Variants in SAMD10 observed in about 807,000 individuals in gnomAD.
SAMD10 encodes the protein sterile alpha motif domain containing 10.
Under a neutral mutation model 22.5 loss-of-function variants are expected in SAMD10, and 16 were observed. That is an observed-to-expected ratio of 0.71 (90% CI 0.48 to 1.08). The LOEUF (loss-of-function observed/expected upper bound fraction) is 1.08. Among genes scored for constraint, SAMD10 ranks in the 50% least tolerant of loss-of-function variants. SAMD10 has a pLI of 0.00. For missense variants in SAMD10, 227 were observed against 281.3 expected (o/e 0.81, Z 1.38); for synonymous variants, 118 against 122.2 (o/e 0.97, Z 0.23).
chr20:63,977,369 C>T lies in SAMD10; in HGVS notation c.129G>A (p.Glu43=), dbSNP rs765320150. ...GGATGCTCTCAGCTGACACCGTGTG[C>T]TCCAGGAGGGTCCGGCAGAAGCTGA... ...AHFSFCRTLL[E]HTVSAESIPC... Residue 43 remains glutamate (E), a synonymous_variant, in exon 2 of 5, where the codon GAG becomes GAA. Coordinates refer to ENST00000369886, the MANE Select transcript of SAMD10 (RefSeq NM_080621.5). This position sits in a 1 kb window ranked among gnomAD's most constrained non-coding sequence, Gnocchi z 5.4. 4.3e-6 allele frequency: 7 copies of T among 1,613,322 alleles called. No homozygotes were observed. Among genetic ancestry groups the T allele is most frequent in the Non-Finnish European group, 5.1e-6 (6 of 1,180,002 alleles).
At chr20:63,976,817 G>C (rs1012614438) in intron 3 of SAMD10, among the ~76,000 whole-genome samples, 154 bp downstream of exon 3, 1 of 139,256 alleles carries the variant, frequency 7.2e-6, no homozygotes, top group Non-Finnish European at 1.5e-5. Context: ...AGAAAAGACA[G>C]ATTCTGCGGA....
chr20:63,975,572 G>C (rs2059016298), intron 4 of SAMD10, 40 bp from the exon 5 acceptor site: 1 of 1,599,208 alleles, frequency 6.3e-7, no homozygotes, highest in South Asian at 1.1e-5. Flanking sequence ...TGGGGTCTTT[G>C]GCATCATCTG....
In SAMD10 at chr20:63,977,437, C is replaced by T. The variant is rs746817319; in HGVS notation, c.92-31G>A. On this transcript the variant is annotated intron_variant, in intron 1 of 4. Coordinates refer to ENST00000369886, the MANE Select transcript of SAMD10 (RefSeq NM_080621.5). The surrounding 1 kb of genome is among the most constrained non-coding windows in gnomAD (Gnocchi z 5.4). ...TGTGGGGGTGCCTGGTCAGGGCAGT[C>T]AAGGGCAGAACCAGAGGCTTCCTCT... 3 of 1,606,996 alleles carry T rather than the reference C, an allele frequency of 1.9e-6. No homozygotes were observed. Among genetic ancestry groups the T allele is most frequent in the Non-Finnish European group, 2.6e-6 (3 of 1,176,178 alleles).
At position 63,975,190 on chromosome 20, in the gene SAMD10, G is replaced by T. The variant is rs550262541; in HGVS notation, c.*320C>A. 3 of 457,024 alleles carry T rather than the reference G, an allele frequency of 6.6e-6. No individual in the cohort carries two copies. The highest frequency in any genetic ancestry group is 7.8e-6 in the Non-Finnish European group (2 of 257,212). 28.3% of individuals were successfully genotyped at this position (457,024 alleles called of 1,614,324 possible). On this transcript the variant is annotated 3_prime_UTR_variant, in exon 5 of 5. Coordinates refer to ENST00000369886, the MANE Select transcript of SAMD10 (RefSeq NM_080621.5). ...ATAAACAGACTCCCTGGGAGTCTAG[G>T]GGGGACATCCAAACCGGTTCTGGCT...
Position 63,976,966 on chromosome 20 carries a change from T to C in SAMD10, c.445+5A>G. ...ACTCCCACAGCACCCTCAGCGCCAC[T>C]GTACCGGTGATGGCATGCTGGGAGA... On this transcript the variant is annotated splice_donor_5th_base_variant and intron_variant, in intron 3 of 4. Transcript: ENST00000369886. 1.2e-6 allele frequency: 2 copies of C among 1,613,982 alleles called. No homozygotes were observed. The highest frequency in any genetic ancestry group is 1.7e-6 in the Non-Finnish European group (2 of 1,179,942).
chr20:63,976,205 G>A (rs1456358663), intron 3 of SAMD10, among the ~76,000 whole-genome samples: 1 of 151,926 alleles, frequency 6.6e-6, no homozygotes, highest in Admixed American at 6.6e-5. Context: ...AACAAACTGA[G>A]CCAAGGCAGA....
At chr20:63,978,679 C>G (rs2059041206) in intron 1 of SAMD10, among the ~76,000 whole-genome samples, 1 of 152,254 alleles carries the variant, frequency 6.6e-6, no homozygotes, top group Admixed American at 6.5e-5. Context: ...CTGGGTGACT[C>G]CAAATTTGAG....
chr20:63,976,977 T>C lies in SAMD10; in HGVS notation c.439A>G (p.Ile147Val). The change falls in exon 3 of 5, where the codon ATC (isoleucine) becomes GTC (valine). Residue 147 changes from isoleucine (I) to valine (V), a missense_variant. Physicochemically the swap from Ile to Val is conservative, Grantham distance 29. Coordinates refer to ENST00000369886, the MANE Select transcript of SAMD10 (RefSeq NM_080621.5). ...ACCCTCAGCGCCACTGTACCGGTGA[T>C]GGCATGCTGGGAGAAGGCCTCCACG... ...VYVEAFSQHA[I>V]TGRALLRLNA... The C allele has an allele frequency of 1.2e-6, 2 of 1,613,972 alleles. No homozygotes were observed. Among genetic ancestry groups the C allele is most frequent in the Non-Finnish European group, 1.7e-6 (2 of 1,179,962 alleles).
Position 63,977,002 on chromosome 20 carries a change from G to A in SAMD10, c.414C>T (p.Tyr138=), listed in dbSNP as rs138162380. 2.0e-5 allele frequency: 33 copies of A among 1,614,026 alleles called. No homozygotes were observed. The highest frequency in any genetic ancestry group is 1.1e-4 in the African/African-American group (8 of 74,910). ...KKHCPHNYLV[Y]VEAFSQHAIT... is the part of the protein sequence containing the mutation. ...TGGCATGCTGGGAGAAGGCCTCCACGTAGACGAGGTAGTTGTGGGGACAGT... is the reference window on the plus strand; with the variant it reads ...TGGCATGCTGGGAGAAGGCCTCCACATAGACGAGGTAGTTGTGGGGACAGT... The change falls in exon 3 of 5, where the codon TAC becomes TAT. Residue 138 remains tyrosine (Y), a synonymous_variant. Coordinates refer to ENST00000369886, the MANE Select transcript of SAMD10 (RefSeq NM_080621.5). This position sits in a 1 kb window ranked among gnomAD's most constrained non-coding sequence, Gnocchi z 5.4.
rs925156292 is a variant in SAMD10, at chr20:63,975,156, G to T, written c.*354C>A. 21 of 344,862 alleles carry T rather than the reference G, an allele frequency of 6.1e-5. No homozygotes were observed. The highest frequency in any genetic ancestry group is 6.2e-5 in the South Asian group (2 of 32,444). The allele number at this position is 344,862 out of a possible 1,614,324, so 21.4% of individuals were successfully genotyped here. ...GGGGGACCGACATCACGTGGAGAGGGGAATGTAAATAAACAGACTCCCTGG... is the reference window on the plus strand; with the variant it reads ...GGGGGACCGACATCACGTGGAGAGGTGAATGTAAATAAACAGACTCCCTGG... On this transcript the variant is annotated 3_prime_UTR_variant, in exon 5 of 5. Transcript: ENST00000369886.
rs779405519 is a variant in SAMD10, at chr20:63,977,086, G to C, written c.330C>G (p.Gly110=). 2 of 1,614,102 alleles carry C rather than the reference G, an allele frequency of 1.2e-6. No individual in the cohort carries two copies. The highest frequency in any genetic ancestry group is 3.3e-5 in the Admixed American group (2 of 60,022). ...TCCACAGGACCACGGGCCGGGTCAG[G>C]CCACCCAGCGAGGGGCTTGTATGGT... ...GLYHTSPSLG[G]LTRPVVLWSQ... is the part of the protein sequence containing the mutation. Residue 110 remains glycine (G), a synonymous_variant, in exon 3 of 5, where the codon GGC becomes GGG. Coordinates refer to ENST00000369886, the MANE Select transcript of SAMD10 (RefSeq NM_080621.5). This position sits in a 1 kb window ranked among gnomAD's most constrained non-coding sequence, Gnocchi z 5.4.
rs767052559 is a variant in SAMD10 at position 63,975,808 on chromosome 20, G to A, written c.470C>T (p.Ala157Val). Residue 157 changes from alanine (A) to valine (V), a missense_variant, in exon 4 of 5, where the codon GCG becomes GTG. By Grantham distance (64) the Ala-to-Val change is moderately conservative (BLOSUM62 0). Coordinates refer to ENST00000369886, the MANE Select transcript of SAMD10 (RefSeq NM_080621.5). ...ITGRALLRLN[A>V]EKLQRMGLAQ... ...CAGCCCCATCCGCTGCAGCTTCTCC[G>A]CATTCAGCCGCAGCAGTGCCCGGCC... 1.4e-5 allele frequency: 22 copies of A among 1,601,282 alleles called. No individual in the cohort carries two copies. Among genetic ancestry groups the A allele is most frequent in the Non-Finnish European group, 1.8e-5 (21 of 1,177,986 alleles).
rs1344639045 is a variant in SAMD10, at chr20:63,975,311, C to T, written c.*199G>A. On this transcript the variant is annotated 3_prime_UTR_variant, in exon 5 of 5. Coordinates refer to ENST00000369886, the MANE Select transcript of SAMD10 (RefSeq NM_080621.5). ...CCACACTCAAGCAGCCCCCTACCCACCCAGCCCCAGGGCACGACCTGGAAT... is the reference window on the plus strand; with the variant it reads ...CCACACTCAAGCAGCCCCCTACCCATCCAGCCCCAGGGCACGACCTGGAAT... The T allele has an allele frequency of 1.7e-6, 1 of 604,114 alleles. No homozygotes were observed. The highest frequency in any genetic ancestry group is 3.2e-5 in the East Asian group (1 of 31,034). 37.4% of individuals were successfully genotyped at this position (604,114 alleles called of 1,614,324 possible).
upstream of SAMD10, chr20:63,979,767 C>G (rs1439939814): frequency 1.2e-6 from 1 of 868,610 alleles, no homozygotes; most frequent in Non-Finnish European, 1.4e-6. The surrounding 1 kb of genome is among the most constrained non-coding windows in gnomAD (Gnocchi z 7.7). Flanking sequence ...GGAGAGTCCC[C>G]GTGAACCTGC....
Position 63,977,945 on chromosome 20 carries a change from G to A in SAMD10, c.92-539C>T, listed in dbSNP as rs994734047. On this transcript the variant is annotated intron_variant, in intron 1 of 4. Coordinates refer to ENST00000369886, the MANE Select transcript of SAMD10 (RefSeq NM_080621.5). This position sits in a 1 kb window ranked among gnomAD's most constrained non-coding sequence, Gnocchi z 5.4. ...ACAGCCCTATCTGGTGTTGGGGCCC[G>A]ACTCACTGACTATGACTCATTGACA... Among the ~76,000 whole-genome samples the A allele has an allele frequency of 6.6e-6, 1 of 152,244 alleles. No homozygotes were observed. The highest frequency in any genetic ancestry group is 1.5e-5 in the Non-Finnish European group (1 of 68,042).
rs774160755 is a variant in SAMD10, at chr20:63,977,343, G to A, written c.155C>T (p.Pro52Leu). Residue 52 changes from proline (P) to leucine (L), a missense_variant, in exon 2 of 5, where the codon CCC (proline) becomes CTC (leucine). Physicochemically the swap from Pro to Leu is moderately conservative, Grantham distance 98. Coordinates refer to ENST00000369886, the MANE Select transcript of SAMD10 (RefSeq NM_080621.5). The surrounding 1 kb of genome is among the most constrained non-coding windows in gnomAD (Gnocchi z 5.4). ...GCCAGGTGTCCGAGGCAAGTGGCAGGGGATGCTCTCAGCTGACACCGTGTG... is the reference window on the plus strand; with the variant it reads ...GCCAGGTGTCCGAGGCAAGTGGCAGAGGATGCTCTCAGCTGACACCGTGTG... ...LEHTVSAESI[P>L]CHLPRTPGTS... 5 of 1,613,392 alleles carry A rather than the reference G, an allele frequency of 3.1e-6. No individual in the cohort carries two copies. Among genetic ancestry groups the A allele is most frequent in the South Asian group, 1.1e-5 (1 of 91,056 alleles).
chr20:63,975,663 C>G, intron 4 of SAMD10, 29 bp downstream of exon 4: 3 of 1,583,912 alleles, frequency 1.9e-6, no homozygotes, highest in Non-Finnish European at 2.6e-6. Context: ...TCCATCAGCC[C>G]CCAGGCCTCT....
chr20:63,975,159 A>G lies in SAMD10; in HGVS notation c.*351T>C. 3.0e-6 allele frequency: 1 copy of G among 338,940 alleles called. No individual in the cohort carries two copies. Among genetic ancestry groups the G allele is most frequent in the Non-Finnish European group, 5.4e-6 (1 of 183,706 alleles). 21.0% of individuals were successfully genotyped at this position (338,940 alleles called of 1,614,324 possible). A position where few individuals can be genotyped will look rare whatever the true frequency, so the allele number is the denominator to read the frequency against. ...GGACCGACATCACGTGGAGAGGGGA[A>G]TGTAAATAAACAGACTCCCTGGGAG... On this transcript the variant is annotated 3_prime_UTR_variant, in exon 5 of 5. Coordinates refer to ENST00000369886, the MANE Select transcript of SAMD10 (RefSeq NM_080621.5).
intron 3 of SAMD10, 126 bp downstream of exon 3, chr20:63,976,845 A>G: frequency 1.6e-6 from 1 of 633,622 alleles, no homozygotes; most frequent in African/African-American, 1.9e-5. Flanking sequence ...AACAGAGGGG[A>G]GGTTGATTCA....
Sources: allele counts gnomAD v4.1 joint callset (sites outside exome capture counted in the v4.1 genomes callset), GRCh38; gene constraint gnomAD v4.1.1; non-coding constraint Gnocchi (gnomAD v3.1); transcripts MANE v1.5; gene names NCBI Gene and HGNC (gene_info 2026-07-23, HGNC 2026-07-21).